The following NPAS2 variants were observed in gnomAD, a reference collection of about 807,000 sequenced individuals.
The protein encoded by NPAS2 is neuronal PAS domain protein 2.
A neutral mutation model predicts 107.5 loss-of-function variants in NPAS2; 23 were observed. The ratio of observed to expected loss-of-function variants is 0.21; its 90% CI spans 0.15 to 0.30. The LOEUF (loss-of-function observed/expected upper bound fraction) is 0.30, where lower values mean the gene tolerates loss of function less well. Among genes scored for constraint, NPAS2 ranks in the 10% least tolerant of loss-of-function variants. The pLI is 1.00. For synonymous variants in NPAS2, 403 were observed against 417.5 expected (o/e 0.97, Z 0.42); for missense variants, 756 against 1,043.3 (o/e 0.72, Z 3.79).
chr2:100,843,431 G>T (rs190108772), intron 1 of NPAS2, among the ~76,000 whole-genome samples: 1 of 152,168 alleles, frequency 6.6e-6, no homozygotes, highest in Non-Finnish European at 1.5e-5. Context: ...GATTGAGGGG[G>T]CAGGTAAGAA....
chr2:100,880,272 C>G (rs1436425791), intron 1 of NPAS2, among the ~76,000 whole-genome samples: 1 of 152,190 alleles, frequency 6.6e-6, no homozygotes, highest in Non-Finnish European at 1.5e-5. Flanking sequence ...ACTCCTTGGT[C>G]TATACCCAAG....
chr2:100,829,239 C>T (rs1676581659), intron 1 of NPAS2, among the ~76,000 whole-genome samples: 1 of 149,170 alleles, frequency 6.7e-6, no homozygotes, highest in South Asian at 2.1e-4. Context: ...GGCTGGATTG[C>T]AGTGGCGCAA....
At chr2:100,871,625 C>G (rs1679595453) in intron 1 of NPAS2, among the ~76,000 whole-genome samples, 1 of 152,130 alleles carries the variant, frequency 6.6e-6, no homozygotes, top group African/African-American at 2.4e-5. Context: ...GCCACCACGC[C>G]TGGCCTGCCT....
intron 5 of NPAS2, among the ~76,000 whole-genome samples, chr2:100,941,606 G>A (rs1266014918): frequency 6.6e-6 from 1 of 152,098 alleles, no homozygotes; most frequent in Non-Finnish European, 1.5e-5. Context: ...AGCAGTGGCA[G>A]CACCAGCACA....
rs57350721 is a variant in NPAS2, at chr2:100,904,711, A to ATT, written c.-22-6_-22-5dup. 1,744 of 1,266,214 alleles carry ATT rather than the reference A, an allele frequency of 1.4e-3. 1 individual carries two copies. Among genetic ancestry groups the ATT allele is most frequent in the East Asian group, 5.4e-3 (219 of 40,866 alleles). The allele number at this position is 1,266,214 out of a possible 1,614,324, so 78.4% of individuals were successfully genotyped here. A position where few individuals can be genotyped will look rare whatever the true frequency, so the allele number is the denominator to read the frequency against. On this transcript the variant is annotated intron_variant, in intron 1 of 20. Transcript: ENST00000335681. ...AGACAGTAATTATCCATTCTTTTTA[A>ATT]TTTTTTTTTTTTTTTTTGCAGGAAA...
intron 1 of NPAS2, among the ~76,000 whole-genome samples, chr2:100,903,727 C>T (rs894488031): frequency 2.0e-5 from 3 of 152,150 alleles, no homozygotes; most frequent in Non-Finnish European, 2.9e-5. Context: ...TCCCAGCCAC[C>T]GCAGCCTTCA....
intron 15 of NPAS2, among the ~76,000 whole-genome samples, chr2:100,981,714 G>A (rs191152889): frequency 6.6e-6 from 1 of 152,232 alleles, no homozygotes; most frequent in East Asian, 1.9e-4. Context: ...GGAATGAAAA[G>A]TTCTTGATGA....
rs183796423 is a variant in NPAS2, at chr2:100,910,182, C to G, written c.32+5396C>G. Among the ~76,000 whole-genome samples the G allele has an allele frequency of 2.0e-5, 3 of 152,276 alleles. No homozygotes were observed. The East Asian group carries it at 5.8e-4, about 29-fold the overall frequency. On this transcript the variant is annotated intron_variant, in intron 2 of 20. Transcript: ENST00000335681. Reference sequence around the variant, plus strand: ...AGGAATGCACCACTTGAAAATGCTGCCTTTCTTTAGAAAAGGCTAAACGTT... The same window carrying G: ...AGGAATGCACCACTTGAAAATGCTGGCTTTCTTTAGAAAAGGCTAAACGTT...
At chr2:100,958,124 G>A (rs533999239) in intron 7 of NPAS2, among the ~76,000 whole-genome samples, 20 of 152,040 alleles carry the variant, frequency 1.3e-4, no homozygotes, top group Non-Finnish European at 2.4e-4. Flanking sequence ...GGTCACCCTC[G>A]GCAAACATTC....
intron 20 of NPAS2, chr2:100,993,752 T>C (rs1009433197): frequency 4.7e-6 from 2 of 421,954 alleles, no homozygotes; most frequent in Non-Finnish European, 8.3e-6. Flanking sequence ...TTATGCCTTA[T>C]GTGGTTATGT....
intron 1 of NPAS2, among the ~76,000 whole-genome samples, chr2:100,862,504 G>A (rs1679003330): frequency 6.6e-6 from 1 of 152,170 alleles, no homozygotes; most frequent in South Asian, 2.1e-4. Flanking sequence ...ACCATAGCTT[G>A]GCAGTGCAGA....
chr2:100,874,666 C>T (rs550576377), intron 1 of NPAS2, among the ~76,000 whole-genome samples: 24 of 152,064 alleles, frequency 1.6e-4, no homozygotes, highest in African/African-American at 4.1e-4. Flanking sequence ...CACTTGAACC[C>T]GGGAGGCGGA....
chr2:100,853,172 T>C (rs1229844864), intron 1 of NPAS2, among the ~76,000 whole-genome samples: 1 of 152,006 alleles, frequency 6.6e-6, no homozygotes, highest in East Asian at 1.9e-4. Context: ...GTCAAGGGAG[T>C]GTATCGATCA....
chr2:100,974,995 G>A, intron 13 of NPAS2, 51 bp downstream of exon 13: 4 of 1,602,168 alleles, frequency 2.5e-6, no homozygotes, highest in Non-Finnish European at 3.4e-6. Context: ...CAGACCAGAG[G>A]GACAGCCCCA....
At chr2:100,887,222 C>T (rs1163579479) in intron 1 of NPAS2, among the ~76,000 whole-genome samples, 2 of 152,206 alleles carry the variant, frequency 1.3e-5, no homozygotes, top group Non-Finnish European at 2.9e-5. Context: ...ATAAGTAGAG[C>T]ACCTGAGACT....
At chr2:100,974,297 C>T (rs1676810863) in intron 12 of NPAS2, among the ~76,000 whole-genome samples, 2 of 152,166 alleles carry the variant, frequency 1.3e-5, no homozygotes, top group Admixed American at 1.3e-4. Flanking sequence ...AGCGAGAGGT[C>T]GAAAGACAGG....
rs1676004766 is a variant in NPAS2, at chr2:100,820,350, G to T, written c.-87G>T. 6.7e-6 allele frequency: 1 copy of T among 148,290 alleles called. No homozygotes were observed. The allele number at this position is 148,290 out of a possible 1,614,324, so 9.2% of individuals were successfully genotyped here. On this transcript the variant is annotated 5_prime_UTR_variant, in exon 1 of 21. Coordinates refer to ENST00000335681, the MANE Select transcript of NPAS2 (RefSeq NM_002518.4). This position sits in a 1 kb window ranked among gnomAD's most constrained non-coding sequence, Gnocchi z 5.6. ...CGCCGCCTCGTCTCCCAGCGGCGGC[G>T]GGAGGCGCGTCTCCCCGGCCCAGTC...
At chr2:100,819,478 C>T (rs1344703479), upstream of NPAS2, among the ~76,000 whole-genome samples, 5 of 152,200 alleles carry the variant, frequency 3.3e-5, no homozygotes, top group Non-Finnish European at 5.9e-5. This position sits in a 1 kb window ranked among gnomAD's most constrained non-coding sequence, Gnocchi z 5.8. Context: ...CGCCTCCCAC[C>T]TGCCCCCGGG....
At chr2:100,964,738 G>A (rs998729750) in intron 8 of NPAS2, 123 bp from the exon 9 acceptor site, 18 of 639,500 alleles carry the variant, frequency 2.8e-5, no homozygotes, top group East Asian at 6.1e-5. Flanking sequence ...AGTCCAACAC[G>A]ACTTGGAGAC....
Sources: allele counts gnomAD v4.1 joint callset (sites outside exome capture counted in the v4.1 genomes callset), GRCh38; gene constraint gnomAD v4.1.1; non-coding constraint Gnocchi (gnomAD v3.1); transcripts MANE v1.5; gene names NCBI Gene and HGNC (gene_info 2026-07-23, HGNC 2026-07-21).